The following HTT variants were observed in gnomAD, a reference collection of about 807,000 sequenced individuals.
HTT encodes huntington disease protein.
A neutral mutation model predicts 362.3 loss-of-function variants in HTT; 104 were observed. The ratio of observed to expected loss-of-function variants is 0.29; its 90% CI spans 0.24 to 0.34. HTT has a LOEUF of 0.34. Among genes scored for constraint, HTT ranks in the 10% least tolerant of loss-of-function variants. The pLI is 1.00. For synonymous variants in HTT, 1,577 were observed against 1,548.7 expected (o/e 1.02, Z -0.43); for missense variants, 3,301 against 3,928.6 (o/e 0.84, Z 4.27).
chr4:3,208,946 G>C (rs577562978), intron 46 of HTT, 35 bp downstream of exon 46: 1 of 1,583,400 alleles, frequency 6.3e-7, no homozygotes, highest in South Asian at 1.2e-5. Context: ...GGAGGCACAG[G>C]GCGCTGAGTG....
chr4:3,207,263 T>C lies in HTT; in HGVS notation c.6076-18T>C. ...TTGTTAGGTGTTACAAACACACTAA[T>C]GTGTTTTTGTCTATTAGAGCAGCAT... is the stretch of plus-strand genomic sequence containing the variant. On this transcript the variant is annotated intron_variant, in intron 44 of 66. Transcript: ENST00000355072. 6.2e-7 allele frequency: 1 copy of C among 1,605,108 alleles called. No individual in the cohort carries two copies. Among genetic ancestry groups the C allele is most frequent in the Non-Finnish European group, 8.5e-7 (1 of 1,172,160 alleles).
chr4:3,136,391 AAG>A, intron 21 of HTT, 65 bp downstream of exon 21: 1 of 788,542 alleles, frequency 1.3e-6, no homozygotes, highest in South Asian at 1.6e-5. Context: ...CGAGAATGGA[AAG>A]AGAGGGAAGA....
chr4:3,189,168 C>A, intron 40 of HTT, 75 bp downstream of exon 40: 1 of 1,419,998 alleles, frequency 7.0e-7, no homozygotes, highest in Non-Finnish European at 9.7e-7. Flanking sequence ...AGTGTAGGAG[C>A]TGTGCTGCCC....
intron 24 of HTT, 92 bp from the exon 25 acceptor site, chr4:3,146,705 A>T: frequency 9.1e-7 from 1 of 1,103,538 alleles, no homozygotes; most frequent in Non-Finnish European, 1.4e-6. Flanking sequence ...ATGTATTGTG[A>T]CATGCCTTCC....
At chr4:3,124,074 GGAAT>G (rs1715412974) in intron 10 of HTT, among the ~76,000 whole-genome samples, 10 of 152,124 alleles carry the variant, frequency 6.6e-5, no homozygotes, top group Non-Finnish European at 1.5e-5. Flanking sequence ...AAGAGAACTT[GGAAT>G]CTATAATATT....
Position 3,074,721 on chromosome 4 carries a change from T to G in HTT, c.-105T>G, listed in dbSNP as rs913372619. 1.6e-5 allele frequency: 20 copies of G among 1,240,614 alleles called. No homozygotes were observed. The highest frequency in any genetic ancestry group is 1.6e-4 in the East Asian group (5 of 31,302). The allele number at this position is 1,240,614 out of a possible 1,614,324, so 76.9% of individuals were successfully genotyped here. On this transcript the variant is annotated 5_prime_UTR_variant, in exon 1 of 67. Transcript: ENST00000355072. ...CCAAGATGGACGGCCGCTCAGGTTC[T>G]GCTTTTACCTGCGGCCCAGAGCCCC... is the stretch of plus-strand genomic sequence containing the variant.
chr4:3,145,603 A>G (rs1397558686), intron 24 of HTT, among the ~76,000 whole-genome samples: 1 of 152,224 alleles, frequency 6.6e-6, no homozygotes, highest in African/African-American at 2.4e-5. Flanking sequence ...CGAAATGGTG[A>G]TGATTTAGGA....
At chr4:3,144,445 G>A (rs1383481037) in intron 23 of HTT, among the ~76,000 whole-genome samples, 2 of 152,068 alleles carry the variant, frequency 1.3e-5, no homozygotes, top group Non-Finnish European at 2.9e-5. Context: ...AGCCTCCTGA[G>A]TGGCTGGAAT....
At chr4:3,112,243 C>T (rs1390242336) in intron 6 of HTT, among the ~76,000 whole-genome samples, 1 of 152,252 alleles carries the variant, frequency 6.6e-6, no homozygotes, top group Middle Eastern at 3.4e-3. Flanking sequence ...AATTACCTGC[C>T]AAACACTGAT....
intron 16 of HTT, 40 bp from the exon 17 acceptor site, chr4:3,132,521 AG>A (rs1424661713): frequency 2.9e-5 from 45 of 1,543,572 alleles, no homozygotes; most frequent in Non-Finnish European, 4.0e-5. Flanking sequence ...GAAAGTTGAT[AG>A]TAGGGAATTG....
intron 40 of HTT, among the ~76,000 whole-genome samples, chr4:3,190,714 G>A (rs578012163): frequency 6.6e-6 from 1 of 152,276 alleles, no homozygotes; most frequent in East Asian, 1.9e-4. Flanking sequence ...AAATGACAAG[G>A]ACAGTGAACC....
chr4:3,095,885 C>T (rs1188881714), intron 2 of HTT, among the ~76,000 whole-genome samples: 1 of 152,220 alleles, frequency 6.6e-6, no homozygotes, highest in Admixed American at 6.5e-5. Context: ...TGGTAGATTT[C>T]AACCTAACTA....
intron 25 of HTT, among the ~76,000 whole-genome samples, chr4:3,147,540 A>G (rs891716010): frequency 6.6e-6 from 1 of 152,238 alleles, no homozygotes; most frequent in Non-Finnish European, 1.5e-5. Context: ...AGGGGGCTAT[A>G]GGAGAGTTTC....
intron 64 of HTT, among the ~76,000 whole-genome samples, chr4:3,236,774 AC>A (rs1310650716): frequency 7.0e-6 from 1 of 143,810 alleles, no homozygotes; most frequent in East Asian, 2.1e-4. Flanking sequence ...ACCACCCCCC[AC>A]TGCTGTGCGT....
intron 52 of HTT, among the ~76,000 whole-genome samples, chr4:3,219,981 G>A (rs1377593919): frequency 6.6e-6 from 1 of 152,186 alleles, no homozygotes; most frequent in African/African-American, 2.4e-5. Context: ...GGGCAGAGCA[G>A]ATTTGGGAGG....
chr4:3,095,346 G>A (rs938737046), intron 2 of HTT, among the ~76,000 whole-genome samples: 7 of 152,244 alleles, frequency 4.6e-5, no homozygotes, highest in East Asian at 1.9e-4. Context: ...CCAACACGGC[G>A]AAACCCCGTC....
At chr4:3,139,463 G>T (rs769866456) in intron 21 of HTT, among the ~76,000 whole-genome samples, 1 of 152,166 alleles carries the variant, frequency 6.6e-6, no homozygotes, top group Non-Finnish European at 1.5e-5. Context: ...CTCCCAAAGT[G>T]CTGGGATTAC....
intron 1 of HTT, among the ~76,000 whole-genome samples, chr4:3,081,081 T>C (rs1712872758): frequency 6.6e-6 from 1 of 152,212 alleles, no homozygotes; most frequent in Non-Finnish European, 1.5e-5. Context: ...CCCTTGCATT[T>C]CCGTACGAAT....
At chr4:3,234,118 G>A (rs578239741) in intron 61 of HTT, among the ~76,000 whole-genome samples, 7 of 152,356 alleles carry the variant, frequency 4.6e-5, no homozygotes, top group African/African-American at 1.7e-4. Flanking sequence ...GGCAGGAAAC[G>A]GGGGCTAGGT....
Sources: allele counts gnomAD v4.1 joint callset (sites outside exome capture counted in the v4.1 genomes callset), GRCh38; gene constraint gnomAD v4.1.1; transcripts MANE v1.5; gene names NCBI Gene and HGNC (gene_info 2026-07-23, HGNC 2026-07-21).